Variants in ITGA6 observed in about 807,000 individuals in gnomAD.
ITGA6 encodes the protein integrin subunit alpha 6.
A neutral mutation model predicts 133.6 loss-of-function variants in ITGA6; 63 were observed. The ratio of observed to expected loss-of-function variants is 0.47; its 90% CI spans 0.38 to 0.58. The LOEUF (loss-of-function observed/expected upper bound fraction) is 0.58, where lower values mean the gene tolerates loss of function less well. Ranked by LOEUF, ITGA6 falls within the 20% of genes least tolerant of loss-of-function variation. The pLI, the probability that ITGA6 is intolerant of heterozygous loss-of-function variation, is 0.00. For synonymous variants in ITGA6, 434 were observed against 482.0 expected (o/e 0.90, Z 1.30); for missense variants, 1,068 against 1,309.4 (o/e 0.82, Z 2.85).
At chr2:172,477,636 T>G (rs1686234030) in intron 9 of ITGA6, among the ~76,000 whole-genome samples, 1 of 152,238 alleles carries the variant, frequency 6.6e-6, no homozygotes, top group African/African-American at 2.4e-5. Flanking sequence ...TTAATATCCT[T>G]ACTTTCCTGT....
chr2:172,490,156 A>C (rs540334104), intron 20 of ITGA6, among the ~76,000 whole-genome samples: 1 of 152,064 alleles, frequency 6.6e-6, no homozygotes, highest in Non-Finnish European at 1.5e-5. Flanking sequence ...TCATTTTCTC[A>C]TTTCATTCTC....
At chr2:172,483,306 G>A (rs779932991) in intron 11 of ITGA6, among the ~76,000 whole-genome samples, 8 of 152,118 alleles carry the variant, frequency 5.3e-5, no homozygotes, top group Non-Finnish European at 1.0e-4. Context: ...GAAAGCAATC[G>A]CCTTTTGTGT....
intron 1 of ITGA6, among the ~76,000 whole-genome samples, chr2:172,442,421 C>T (rs1430702311): frequency 6.6e-6 from 1 of 152,198 alleles, no homozygotes; most frequent in Admixed American, 6.5e-5. Flanking sequence ...TCAGTCCTTT[C>T]TGAAAGGAGG....
intron 1 of ITGA6, among the ~76,000 whole-genome samples, chr2:172,459,502 A>T (rs937708260): frequency 6.8e-6 from 1 of 146,312 alleles, no homozygotes; most frequent in African/African-American, 2.7e-5. Flanking sequence ...AGACTGTCTC[A>T]AAAAAAAGAA....
chr2:172,431,981 A>G (rs1262415614), intron 1 of ITGA6, among the ~76,000 whole-genome samples: 3 of 152,210 alleles, frequency 2.0e-5, no homozygotes, highest in African/African-American at 7.2e-5. Context: ...TAGCATAACA[A>G]TATATTGAGA....
At chr2:172,474,292 C>A (rs1488355103) in intron 6 of ITGA6, 27 bp downstream of exon 6, 1 of 1,586,496 alleles carries the variant, frequency 6.3e-7, no homozygotes, top group East Asian at 2.2e-5. Context: ...TTATATTATG[C>A]TGCAAATCAT....
At chr2:172,472,710 T>C in intron 5 of ITGA6, 1 of 1,051,942 alleles carries the variant, frequency 9.5e-7, no homozygotes, top group Non-Finnish European at 1.5e-6. Context: ...GCAGTGGCTG[T>C]CCTGCCTCTT....
At chr2:172,487,220 T>C (rs1686721933) in intron 14 of ITGA6, 44 bp from the exon 15 acceptor site, 1 of 1,561,138 alleles carries the variant, frequency 6.4e-7, no homozygotes, top group Admixed American at 1.7e-5. Flanking sequence ...TGGAAACGTA[T>C]TGAGGACTTT....
chr2:172,487,787 T>G lies in ITGA6; in HGVS notation c.2304T>G (p.Asp768Glu), dbSNP rs1293935851. 2 of 1,609,924 alleles carry G rather than the reference T, an allele frequency of 1.2e-6. No homozygotes were observed. The highest frequency in any genetic ancestry group is 1.7e-6 in the Non-Finnish European group (2 of 1,176,244). The change falls in exon 17 of 26, where the codon GAT becomes GAG. Residue 768 changes from aspartate (D) to glutamate (E), a missense_variant. By Grantham distance (45) the Asp-to-Glu change is conservative (BLOSUM62 2). This residue lies in a region of ITGA6 where 609 missense variants were observed against 707.2 expected (regional missense o/e 0.86). Coordinates refer to ENST00000684293, the MANE Select transcript of ITGA6 (RefSeq NM_000210.4). ...TEVTFDTPDL[D>E]INLKLETTSN... Reference sequence around the variant, plus strand: ...TCACCTTTGACACCCCAGATCTGGATATTAATCTGAAGTTAGAAACGTAAG... The same window carrying G: ...TCACCTTTGACACCCCAGATCTGGAGATTAATCTGAAGTTAGAAACGTAAG...
chr2:172,472,941 A>ATT, intron 5 of ITGA6: 43 of 974,702 alleles, frequency 4.4e-5, no homozygotes, highest in South Asian at 6.3e-5. Context: ...TGGTCATTAA[A>ATT]TTTTTTTTTT....
rs2149112881 is a variant in ITGA6, at chr2:172,505,904, A to G, written c.*1836A>G. On this transcript the variant is annotated 3_prime_UTR_variant, in exon 26 of 26. Transcript: ENST00000684293. ...GGGAACTTGTGTCCCTAATGTGTTT[A>G]GATTGCTAGATTGCTAAGGAGCTGA... 2.6e-5 allele frequency: 4 copies of G among 152,664 alleles called. No homozygotes were observed. In the South Asian group the frequency reaches 8.3e-4, roughly 32 times the overall value. The allele number at this position is 152,664 out of a possible 1,614,324, so 9.5% of individuals were successfully genotyped here. A position where few individuals can be genotyped will look rare whatever the true frequency, so the allele number is the denominator to read the frequency against.
At chr2:172,497,780 G>C (rs997504363) in intron 23 of ITGA6, among the ~76,000 whole-genome samples, 195 bp from the exon 24 acceptor site, 1 of 152,136 alleles carries the variant, frequency 6.6e-6, no homozygotes, top group Non-Finnish European at 1.5e-5. Context: ...TCAAGATTCT[G>C]GGGAAAGATC....
chr2:172,498,142 T>C, intron 24 of ITGA6, 42 bp downstream of exon 24: 1 of 1,589,608 alleles, frequency 6.3e-7, no homozygotes. Flanking sequence ...CAAACTTTAT[T>C]TCATGTTTTA....
intron 6 of ITGA6, among the ~76,000 whole-genome samples, chr2:172,474,611 A>G (rs905980433): frequency 5.3e-5 from 8 of 152,228 alleles, no homozygotes; most frequent in African/African-American, 1.7e-4. Flanking sequence ...CGTTGAAAAC[A>G]GGAATTGGTG....
At chr2:172,431,975 A>G (rs1684122339) in intron 1 of ITGA6, among the ~76,000 whole-genome samples, 1 of 152,232 alleles carries the variant, frequency 6.6e-6, no homozygotes, top group African/African-American at 2.4e-5. Context: ...CTCTCTTAGC[A>G]TAACAATATA....
chr2:172,483,111 G>A (rs1686522088), intron 11 of ITGA6, among the ~76,000 whole-genome samples: 1 of 152,180 alleles, frequency 6.6e-6, no homozygotes, highest in African/African-American at 2.4e-5. Context: ...AGAGAGGCCA[G>A]GACAGGCTTC....
intron 2 of ITGA6, chr2:172,465,879 G>A (rs754392206): frequency 2.2e-5 from 15 of 682,564 alleles, no homozygotes; most frequent in Non-Finnish European, 3.5e-5. Context: ...CCTAACCGTG[G>A]TTTCTAAACC....
intron 1 of ITGA6, among the ~76,000 whole-genome samples, chr2:172,436,038 C>G (rs979325653): frequency 2.6e-5 from 4 of 152,090 alleles, no homozygotes; most frequent in African/African-American, 9.7e-5. Flanking sequence ...CCAGTGAGTC[C>G]TCGTTACTGC....
intron 1 of ITGA6, among the ~76,000 whole-genome samples, chr2:172,451,723 C>T (rs979912986): frequency 2.6e-5 from 4 of 152,106 alleles, no homozygotes; most frequent in African/African-American, 9.7e-5. Flanking sequence ...AAGAGAGGAG[C>T]AACCAGCAAA....
Sources: allele counts gnomAD v4.1 joint callset (sites outside exome capture counted in the v4.1 genomes callset), GRCh38; gene constraint gnomAD v4.1.1; regional missense constraint gnomAD v4.1.1; transcripts MANE v1.5; gene names NCBI Gene and HGNC (gene_info 2026-07-23, HGNC 2026-07-21).